THADA: variants seen among roughly 807,000 people sequenced by gnomAD.
THADA encodes THADA armadillo repeat containing.
Under a neutral mutation model 219.8 loss-of-function variants are expected in THADA, and 213 were observed. That is an observed-to-expected ratio of 0.97 (90% CI 0.87 to 1.09). The LOEUF (loss-of-function observed/expected upper bound fraction) is 1.09, where lower values mean the gene tolerates loss of function less well. Ranked by LOEUF, THADA falls within the 50% of genes least tolerant of loss-of-function variation. THADA has a pLI of 0.00. For missense variants in THADA, 2,956 were observed against 2,311.3 expected, an observed-to-expected ratio of 1.28 and a Z score of -5.72; for synonymous variants, 1,018 against 828.9, an observed-to-expected ratio of 1.23 and a Z score of -3.92.
chr2:43,258,837 C>T (rs550242917), intron 36 of THADA, among the ~76,000 whole-genome samples: 9 of 152,282 alleles, frequency 5.9e-5, no homozygotes, highest in East Asian at 1.9e-4. Context: ...TCCAGCTGTT[C>T]TCCTCCAGTA....
At position 43,541,237 on chromosome 2, in the gene THADA, T is replaced by A; in HGVS notation, c.3186A>T (p.Leu1062Phe). 6.2e-7 allele frequency: 1 copy of A among 1,612,066 alleles called. No homozygotes were observed. Among genetic ancestry groups the A allele is most frequent in the Non-Finnish European group, 8.5e-7 (1 of 1,179,204 alleles). ...GAAGCTGGCACAACATGCCTAAAAGTAAAGCAACTTCCTTCATACTTCTCC... is the reference window on the plus strand; with the variant it reads ...GAAGCTGGCACAACATGCCTAAAAGAAAAGCAACTTCCTTCATACTTCTCC... The part of the protein sequence containing the change: ...CCWRSMKEVA[L>F]LLGMLCQLLP... The change falls in exon 21 of 38, where the codon TTA (leucine) becomes TTT (phenylalanine). Residue 1062 changes from leucine to phenylalanine, a missense_variant. Leu to Phe is a conservative substitution (Grantham distance 22). Transcript: ENST00000405975.
intron 17 of THADA, among the ~76,000 whole-genome samples, chr2:43,553,600 T>G (rs1264746899): frequency 6.6e-6 from 1 of 152,218 alleles, no homozygotes; most frequent in Non-Finnish European, 1.5e-5. Context: ...GTCTATGGCA[T>G]TTTGTTATAG....
At chr2:43,467,085 G>A (rs1684332787) in intron 26 of THADA, among the ~76,000 whole-genome samples, 1 of 150,660 alleles carries the variant, frequency 6.6e-6, no homozygotes, top group South Asian at 2.1e-4. Context: ...GGGAGGCTGA[G>A]GCAGGAGAAT....
intron 29 of THADA, among the ~76,000 whole-genome samples, chr2:43,386,931 C>T (rs898372043): frequency 6.6e-6 from 1 of 151,264 alleles, no homozygotes; most frequent in Non-Finnish European, 1.5e-5. Flanking sequence ...TTACTATCTC[C>T]GTCATGTATG....
At chr2:43,282,304 C>T (rs1401540065) in intron 35 of THADA, among the ~76,000 whole-genome samples, 1 of 152,196 alleles carries the variant, frequency 6.6e-6, no homozygotes, top group East Asian at 1.9e-4. Context: ...CAATGTCTCT[C>T]TGGCTGTAAG....
chr2:43,438,539 C>T (rs565534283), intron 26 of THADA, among the ~76,000 whole-genome samples: 11 of 152,108 alleles, frequency 7.2e-5, no homozygotes, highest in African/African-American at 1.2e-4. Flanking sequence ...CTCTTGAAAA[C>T]GGGCATCAGA....
chr2:43,339,481 T>C (rs1454843320), intron 30 of THADA, among the ~76,000 whole-genome samples: 1 of 152,210 alleles, frequency 6.6e-6, no homozygotes, highest in Non-Finnish European at 1.5e-5. Flanking sequence ...GGTTTCACCA[T>C]GTTGGCCAGG....
At chr2:43,451,481 C>T (rs1682330599) in intron 26 of THADA, among the ~76,000 whole-genome samples, 2 of 152,214 alleles carry the variant, frequency 1.3e-5, no homozygotes, top group African/African-American at 2.4e-5. Context: ...TAAAGTCCAT[C>T]TCCTCTCACT....
chr2:43,523,764 T>A (rs948840364), intron 22 of THADA, among the ~76,000 whole-genome samples: 1 of 152,224 alleles, frequency 6.6e-6, no homozygotes, highest in Non-Finnish European at 1.5e-5. Context: ...ATTACTGCAA[T>A]AAATATCTGT....
intron 30 of THADA, chr2:43,343,639 T>C (rs1450951802): frequency 6.6e-6 from 1 of 152,522 alleles, no homozygotes. Context: ...TTCTATTCTT[T>C]TTTGCCTTGC....
At chr2:43,388,823 T>C (rs1673004801) in intron 29 of THADA, among the ~76,000 whole-genome samples, 1 of 152,156 alleles carries the variant, frequency 6.6e-6, no homozygotes, top group Non-Finnish European at 1.5e-5. Flanking sequence ...AATCCTCATG[T>C]TTTACAGTAT....
chr2:43,367,183 G>C lies in THADA; in HGVS notation c.4228-22946C>G, dbSNP rs144923046. Among the ~76,000 whole-genome samples the C allele has an allele frequency of 3.0e-3, 458 of 152,282 alleles. 4 individuals are homozygous for C. Among genetic ancestry groups the C allele is most frequent in the African/African-American group, 0.011 (445 of 41,562 alleles). On this transcript the variant is annotated intron_variant, in intron 29 of 37. Coordinates refer to ENST00000405975, the MANE Select transcript of THADA (RefSeq NM_022065.5). ...GGTAGTTGCTAGGGGCTGAGAGAAA[G>C]GAGAAATAGGGCGCTGTTGTTTAAT...
chr2:43,311,065 A>G (rs1244430024), intron 31 of THADA, among the ~76,000 whole-genome samples: 2 of 152,072 alleles, frequency 1.3e-5, no homozygotes, highest in Non-Finnish European at 2.9e-5. Context: ...AATCCCAGCT[A>G]CTTGGGAGGC....
At chr2:43,589,778 C>A (rs1286756190) in intron 4 of THADA, among the ~76,000 whole-genome samples, 1 of 151,874 alleles carries the variant, frequency 6.6e-6, no homozygotes, top group Non-Finnish European at 1.5e-5. Context: ...TCAGAAACCA[C>A]CACTTATTCA....
chr2:43,582,109 T>G (rs17031092), intron 7 of THADA, among the ~76,000 whole-genome samples, 181 bp from the exon 8 acceptor site: 25,852 of 152,240 alleles, frequency 0.17, 2,869 homozygotes, highest in African/African-American at 0.31. Flanking sequence ...AATTGCAAAC[T>G]TTCAACACTG....
chr2:43,374,857 C>T (rs1489982854), intron 29 of THADA, among the ~76,000 whole-genome samples: 1 of 151,944 alleles, frequency 6.6e-6, no homozygotes, highest in Non-Finnish European at 1.5e-5. Context: ...TTAGTCTACA[C>T]CAAATTGTAA....
At position 43,574,704 on chromosome 2, in the gene THADA, T is replaced by A; in HGVS notation, c.1361A>T (p.Lys454Met). The change falls in exon 11 of 38, where the codon AAG (lysine) becomes ATG (methionine). Residue 454 changes from lysine to methionine, a missense_variant. By Grantham distance (95) the Lys-to-Met change is moderately conservative. Coordinates refer to ENST00000405975, the MANE Select transcript of THADA (RefSeq NM_022065.5). ...TACCAAACAACCAAGGCACGTGTAC[T>A]TTCCTTTAATATGCCATTCCAATCG... is the stretch of plus-strand genomic sequence containing the variant. Reference protein sequence around the residue: ...LLRLEWHIKGKYTCLGCLVEC... With the variant: ...LLRLEWHIKGMYTCLGCLVEC... The A allele has an allele frequency of 6.2e-7, 1 of 1,614,060 alleles. No homozygotes were observed. Among genetic ancestry groups the A allele is most frequent in the Non-Finnish European group, 8.5e-7 (1 of 1,179,896 alleles).
rs35720761 is a variant in THADA, at chr2:43,292,838, C to G, written c.4814G>C (p.Cys1605Ser). The G allele has an allele frequency of 5.0e-6, 8 of 1,611,518 alleles. No homozygotes were observed. In the Admixed American group the frequency reaches 1.3e-4, roughly 27 times the overall value. ...AMKENHPECF[C>S]KILKILHCMD... is the part of the protein sequence containing the mutation. ...TCAGTACGTTGGAGACTTTACCTTGCAGAAGCATTCTGGGTGATTTTCCTT... is the reference window on the plus strand; with the variant it reads ...TCAGTACGTTGGAGACTTTACCTTGGAGAAGCATTCTGGGTGATTTTCCTT... Residue 1605 changes from cysteine to serine, a missense_variant, in exon 32 of 38, where the codon TGC becomes TCC. By Grantham distance (112) the Cys-to-Ser change is moderately radical. Coordinates refer to ENST00000405975, the MANE Select transcript of THADA (RefSeq NM_022065.5).
At chr2:43,464,375 A>G (rs573594617) in intron 26 of THADA, among the ~76,000 whole-genome samples, 141 of 152,210 alleles carry the variant, frequency 9.3e-4, no homozygotes, top group South Asian at 2.1e-3. Context: ...ACTTTTTTGA[A>G]TCAATCAATG....
Sources: allele counts gnomAD v4.1 joint callset (sites outside exome capture counted in the v4.1 genomes callset), GRCh38; gene constraint gnomAD v4.1.1; transcripts MANE v1.5; gene names NCBI Gene and HGNC (gene_info 2026-07-23, HGNC 2026-07-21).